The following COL28A1 variants were observed in gnomAD, a reference collection of about 807,000 sequenced individuals.
COL28A1 encodes collagen type XXVIII alpha 1 chain.
In COL28A1, 161 loss-of-function variants were observed where a neutral mutation model predicts 150.2. The observed-to-expected ratio is 1.07, with a 90% confidence interval of 0.94 to 1.22. The LOEUF (loss-of-function observed/expected upper bound fraction) is 1.22. Ranked by LOEUF, COL28A1 falls within the 50% of genes most tolerant of loss-of-function variation. The pLI is 0.00. For missense variants in COL28A1, 1,617 were observed against 1,388.3 expected (o/e 1.16, Z -2.62); for synonymous variants, 552 against 469.7 (o/e 1.18, Z -2.26).
intron 11 of COL28A1, among the ~76,000 whole-genome samples, chr7:7,501,223 C>T (rs1289920952): frequency 6.6e-6 from 1 of 152,122 alleles, no homozygotes; most frequent in Non-Finnish European, 1.5e-5. Flanking sequence ...TTATGAACGT[C>T]CTAGAGTAGA....
At chr7:7,406,494 G>A (rs752270627) in intron 27 of COL28A1, among the ~76,000 whole-genome samples, 2 of 152,156 alleles carry the variant, frequency 1.3e-5, no homozygotes, top group Non-Finnish European at 2.9e-5. Context: ...TTTACTTTGA[G>A]AAGGCAGATA....
At chr7:7,352,288 T>C (rs1294619), downstream of COL28A1, among the ~76,000 whole-genome samples, 117,927 of 152,196 alleles carry the variant, frequency 0.77, 48,399 homozygotes, top group East Asian at 1. Flanking sequence ...GTCTTCGCTC[T>C]TAAGTAGCTC....
chr7:7,462,553 C>T (rs1304129296), intron 15 of COL28A1, among the ~76,000 whole-genome samples: 3 of 152,112 alleles, frequency 2.0e-5, no homozygotes, highest in Non-Finnish European at 4.4e-5. Flanking sequence ...CTTCAGGAAA[C>T]ATGGACACAC....
intron 11 of COL28A1, among the ~76,000 whole-genome samples, chr7:7,496,721 A>C (rs1780228590): frequency 6.6e-6 from 1 of 152,226 alleles, no homozygotes; most frequent in Non-Finnish European, 1.5e-5. Context: ...ATTTGTGGAC[A>C]GAACTTTACA....
chr7:7,464,766 G>T (rs1181464819), intron 15 of COL28A1, among the ~76,000 whole-genome samples: 1 of 152,032 alleles, frequency 6.6e-6, no homozygotes, highest in Non-Finnish European at 1.5e-5. Context: ...AGAGAAACAA[G>T]AACAAACCAA....
At chr7:7,430,011 C>T (rs1267833863) in intron 25 of COL28A1, among the ~76,000 whole-genome samples, 1 of 152,072 alleles carries the variant, frequency 6.6e-6, no homozygotes, top group Non-Finnish European at 1.5e-5. Context: ...AAAATGTAGA[C>T]GAAGGCAAAT....
At chr7:7,512,373 A>T (rs1781192472) in intron 8 of COL28A1, among the ~76,000 whole-genome samples, 1 of 152,152 alleles carries the variant, frequency 6.6e-6, no homozygotes, top group Admixed American at 6.5e-5. Flanking sequence ...CACCACAAAA[A>T]CTGATCATTA....
intron 27 of COL28A1, among the ~76,000 whole-genome samples, chr7:7,408,099 T>C (rs1783589316): frequency 6.6e-6 from 1 of 152,170 alleles, no homozygotes; most frequent in Non-Finnish European, 1.5e-5. Context: ...ATTTTAATAC[T>C]GTTTGTTCTT....
chr7:7,399,667 A>G (rs372223568), intron 27 of COL28A1, among the ~76,000 whole-genome samples: 3 of 152,272 alleles, frequency 2.0e-5, no homozygotes, highest in African/African-American at 7.2e-5. Flanking sequence ...GGATACATGG[A>G]AAAATGCGAT....
intron 34 of COL28A1, among the ~76,000 whole-genome samples, chr7:7,360,063 T>G (rs1435900513): frequency 6.6e-6 from 1 of 152,182 alleles, no homozygotes; most frequent in Non-Finnish European, 1.5e-5. Context: ...AGGGCACATG[T>G]AAGACAATAG....
At chr7:7,435,718 T>C (rs959910837) in intron 23 of COL28A1, among the ~76,000 whole-genome samples, 1 of 152,242 alleles carries the variant, frequency 6.6e-6, no homozygotes, top group African/African-American at 2.4e-5. Context: ...TGAACCCTTT[T>C]ATCTAGATAA....
chr7:7,351,506 T>C (rs1007749630), downstream of COL28A1, among the ~76,000 whole-genome samples: 1 of 151,976 alleles, frequency 6.6e-6, no homozygotes, highest in Non-Finnish European at 1.5e-5. Flanking sequence ...ACAATAGCAA[T>C]AGAGGGGACA....
chr7:7,350,862 T>A, the COL28A1 span, among the ~76,000 whole-genome samples: 1 of 151,966 alleles, frequency 6.6e-6, no homozygotes, highest in Non-Finnish European at 1.5e-5. Flanking sequence ...GAACATTCCA[T>A]TAGCATTTAC....
At chr7:7,521,498 C>T (rs1398089443) in intron 5 of COL28A1, among the ~76,000 whole-genome samples, 5 of 152,322 alleles carry the variant, frequency 3.3e-5, no homozygotes, top group African/African-American at 9.6e-5. Flanking sequence ...CTGCTGCATT[C>T]GTGTGAAGCC....
chr7:7,378,557 T>C (rs1305228304), intron 30 of COL28A1, among the ~76,000 whole-genome samples: 3 of 152,182 alleles, frequency 2.0e-5, no homozygotes, highest in African/African-American at 7.2e-5. Flanking sequence ...TAGTCTGAAA[T>C]GAATCTGCAC....
the COL28A1 span, among the ~76,000 whole-genome samples, chr7:7,340,090 A>T: frequency 2.0e-3 from 309 of 152,136 alleles, 1 homozygote; most frequent in African/African-American, 7.0e-3. Flanking sequence ...TCTCAGATTC[A>T]AGCGGTTCTC....
At chr7:7,443,939 G>GC (rs1786018109) in intron 19 of COL28A1, among the ~76,000 whole-genome samples, 1 of 147,818 alleles carries the variant, frequency 6.8e-6, no homozygotes, top group Non-Finnish European at 1.5e-5. Context: ...TTCGCATTTG[G>GC]TAGATTTTTT....
At chr7:7,464,826 G>A (rs1033090529) in intron 15 of COL28A1, among the ~76,000 whole-genome samples, 63 of 152,264 alleles carry the variant, frequency 4.1e-4, no homozygotes, top group Non-Finnish European at 7.6e-4. Context: ...AGAACTGAAT[G>A]AAATTGAAAA....
chr7:7,417,685 T>C, intron 27 of COL28A1, 174 bp downstream of exon 27: 1 of 659,760 alleles, frequency 1.5e-6, no homozygotes, highest in Non-Finnish European at 2.7e-6. Flanking sequence ...TGAAGTATTG[T>C]ACTCATACCA....
Sources: allele counts gnomAD v4.1 joint callset (sites outside exome capture counted in the v4.1 genomes callset), GRCh38; gene constraint gnomAD v4.1.1; transcripts MANE v1.5; gene names NCBI Gene and HGNC (gene_info 2026-07-23, HGNC 2026-07-21).